GPR15LG: variants seen among roughly 807,000 people sequenced by gnomAD.
GPR15LG encodes the protein protein GPR15LG.
chr10:84,183,794 C>T, the GPR15LG span, among the ~76,000 whole-genome samples: 1 of 151,958 alleles, frequency 6.6e-6, no homozygotes, highest in African/African-American at 2.4e-5. Context: ...CACAGGCGTG[C>T]GCCACCATGC....
At chr10:84,182,572 G>A in the GPR15LG span, among the ~76,000 whole-genome samples, 4 of 152,150 alleles carry the variant, frequency 2.6e-5, no homozygotes, top group South Asian at 2.1e-4. Flanking sequence ...CTTCGCAGGC[G>A]AGCCCAGACT....
At chr10:84,180,410 G>T in the GPR15LG span, among the ~76,000 whole-genome samples, 10 of 151,130 alleles carry the variant, frequency 6.6e-5, no homozygotes, top group African/African-American at 2.0e-4. Context: ...TCCCAGACGG[G>T]GTGGCGGCCG....
At chr10:84,185,115 G>A in the GPR15LG span, 1 of 1,124,078 alleles carries the variant, frequency 8.9e-7, no homozygotes, top group Non-Finnish European at 1.1e-6. Context: ...GCACCCAAGG[G>A]TGGCTGACCA....
chr10:84,175,572 A>T, the GPR15LG span, among the ~76,000 whole-genome samples: 8 of 152,330 alleles, frequency 5.3e-5, no homozygotes, highest in South Asian at 1.7e-3. Flanking sequence ...TGGCATGACC[A>T]CGGCTCAGTG....
chr10:84,174,641 C>T, the GPR15LG span, among the ~76,000 whole-genome samples: 23 of 152,004 alleles, frequency 1.5e-4, no homozygotes, highest in Non-Finnish European at 2.9e-4. Context: ...TACAGGTGCC[C>T]ACCACCAAGC....
At chr10:84,175,888 C>A in the GPR15LG span, among the ~76,000 whole-genome samples, 1 of 151,274 alleles carries the variant, frequency 6.6e-6, no homozygotes, top group Non-Finnish European at 1.5e-5. Flanking sequence ...TTCTTTTTTT[C>A]TTTTTTTTAT....
the GPR15LG span, among the ~76,000 whole-genome samples, chr10:84,181,510 C>G: frequency 6.6e-6 from 1 of 152,216 alleles, no homozygotes; most frequent in African/African-American, 2.4e-5. Context: ...ACTGCAGCCT[C>G]AAACTCCTGG....
the GPR15LG span, chr10:84,184,653 C>G: frequency 9.9e-6 from 16 of 1,612,478 alleles, no homozygotes; most frequent in African/African-American, 2.1e-4. Flanking sequence ...TGTCCTTGTC[C>G]CTCTTGTCTA....
At chr10:84,176,423 C>A in the GPR15LG span, 3 of 1,245,688 alleles carry the variant, frequency 2.4e-6, no homozygotes, top group Non-Finnish European at 3.6e-6. Flanking sequence ...GAAGGGGAAG[C>A]TCACTCACAG....
the GPR15LG span, among the ~76,000 whole-genome samples, chr10:84,181,201 G>T: frequency 6.7e-6 from 1 of 149,792 alleles, no homozygotes; most frequent in Non-Finnish European, 1.5e-5. Flanking sequence ...GAGAGGGAGA[G>T]GGAGAGGGAG....
At chr10:84,181,771 T>C in the GPR15LG span, among the ~76,000 whole-genome samples, 5 of 152,206 alleles carry the variant, frequency 3.3e-5, no homozygotes, top group African/African-American at 4.8e-5. Flanking sequence ...CTCTATTGGC[T>C]CTTTACGGGT....
chr10:84,183,159 C>T, the GPR15LG span, among the ~76,000 whole-genome samples: 6 of 152,256 alleles, frequency 3.9e-5, no homozygotes, highest in South Asian at 1.2e-3. Flanking sequence ...GTGTGGGTGG[C>T]ACTTACATCT....
the GPR15LG span, among the ~76,000 whole-genome samples, chr10:84,182,068 G>C: frequency 6.6e-6 from 1 of 152,214 alleles, no homozygotes; most frequent in Non-Finnish European, 1.5e-5. Context: ...ACTCAGGCTG[G>C]AAGGGGCACA....
the GPR15LG span, among the ~76,000 whole-genome samples, chr10:84,177,924 C>T: frequency 7.9e-5 from 12 of 152,248 alleles, no homozygotes; most frequent in East Asian, 1.9e-4. Flanking sequence ...GTGTGTGAGC[C>T]CCCACCACAG....
chr10:84,184,867 C>G, the GPR15LG span: 2 of 1,546,550 alleles, frequency 1.3e-6, no homozygotes, highest in South Asian at 2.4e-5. Context: ...CAGCAGTGAG[C>G]TGCAATGTTG....
chr10:84,181,343 C>T, the GPR15LG span, among the ~76,000 whole-genome samples: 1 of 151,700 alleles, frequency 6.6e-6, no homozygotes, highest in African/African-American at 2.4e-5. Context: ...TCCCAAAGTG[C>T]TGGGATTACA....
At chr10:84,180,575 C>A in the GPR15LG span, among the ~76,000 whole-genome samples, 1 of 150,978 alleles carries the variant, frequency 6.6e-6, no homozygotes, top group African/African-American at 2.5e-5. Context: ...GGATGACGGC[C>A]GGGAAGAGGC....
chr10:84,179,231 C>T, the GPR15LG span, among the ~76,000 whole-genome samples: 1 of 152,214 alleles, frequency 6.6e-6, no homozygotes, highest in South Asian at 2.1e-4. Flanking sequence ...TAGAATCTGC[C>T]TCACTGGACC....
chr10:84,175,121 G>A, the GPR15LG span, among the ~76,000 whole-genome samples: 178 of 152,198 alleles, frequency 1.2e-3, 3 homozygotes, highest in East Asian at 0.015. Context: ...AAGATATTCT[G>A]GAAGCATTTA....
Sources: gnomAD v4.1 joint callset for allele counts (sites outside exome capture counted in the v4.1 genomes callset) on GRCh38, gnomAD v4.1.1 for gene constraint, MANE v1.5 for transcripts, NCBI Gene and HGNC (gene_info 2026-07-23, HGNC 2026-07-21) for gene names.